Variants in TAF1 observed in about 807,000 individuals in gnomAD.
The protein encoded by TAF1 is transcription initiation factor TFIID subunit 1.
Under a neutral mutation model 138.5 loss-of-function variants are expected in TAF1, and 2 were observed. The observed-to-expected ratio is 0.01, with a 90% CI of 0.01 to 0.05. TAF1 has a LOEUF of 0.05. TAF1 is among the 10% of genes least tolerant of loss of function. The pLI, the probability that TAF1 is intolerant of heterozygous loss-of-function variation, is 1.00. For missense variants in TAF1, 709 were observed against 1,478.0 expected, an observed-to-expected ratio of 0.48 and a Z score of 8.53; for synonymous variants, 437 against 503.2, an observed-to-expected ratio of 0.87 and a Z score of 1.76.
intron 32 of TAF1, among the ~76,000 whole-genome samples, chrX:71,453,082 C>T (rs924427839): frequency 1.7e-4 from 18 of 108,655 alleles, no homozygotes; most frequent in South Asian, 8.2e-4. Flanking sequence ...CGTGGGGAGA[C>T]GGGAGAGAGA....
rs2034998553 is a variant in TAF1, at chrX:71,398,816, C to T, written c.3786+79C>T. The stretch of plus-strand genomic sequence containing the variant: ...CTTTTCCTTTAGCTTTTGATATCCT[C>T]CTTTACTGGGAATGAGGGAAGTATA... On this transcript the variant is annotated intron_variant, in intron 24 of 37. Coordinates refer to ENST00000423759, the MANE Select transcript of TAF1 (RefSeq NM_004606.5). 7 of 1,089,128 alleles carry T rather than the reference C, an allele frequency of 6.4e-6. No individual in the cohort carries two copies. The Admixed American group carries it at 1.9e-4, about 29-fold the overall frequency. 89.8% of individuals were successfully genotyped at this position (1,089,128 alleles called of 1,213,427 possible).
rs1466910636 is a variant in TAF1 at position 71,407,741 on chromosome X, T to C, written c.4206+69T>C. The stretch of plus-strand genomic sequence containing the variant: ...CTTTTGTTCTGTCTGTGATTTCCAA[T>C]AGAGGGCAGTAATCTGTAGATTTAG... On this transcript the variant is annotated intron_variant, in intron 27 of 37. Coordinates refer to ENST00000423759, the MANE Select transcript of TAF1 (RefSeq NM_004606.5). 5 of 1,065,522 alleles carry C rather than the reference T, an allele frequency of 4.7e-6. No individual in the cohort carries two copies. In the African/African-American group the frequency reaches 9.2e-5, roughly 20 times the overall value. 87.8% of individuals were successfully genotyped at this position (1,065,522 alleles called of 1,213,427 possible). A position where few individuals can be genotyped will look rare whatever the true frequency, so the allele number is the denominator to read the frequency against.
At chrX:71,486,815 G>A (rs184179500) in intron 13 of TAF1, among the ~76,000 whole-genome samples, 42 of 110,812 alleles carry the variant, frequency 3.8e-4, no homozygotes, top group Admixed American at 3.7e-3. Flanking sequence ...TTTCTGTAAC[G>A]TTGGTAGTAA....
chrX:71,439,485 T>A (rs774848742), intron 32 of TAF1, among the ~76,000 whole-genome samples: 2 of 111,642 alleles, frequency 1.8e-5, no homozygotes, highest in South Asian at 3.8e-4. Context: ...TATAAAAAGA[T>A]CAAATAATCT....
intron 28 of TAF1, among the ~76,000 whole-genome samples, chrX:71,414,295 T>C (rs2035940222): frequency 1.8e-5 from 1 of 57,076 alleles, no homozygotes; most frequent in Non-Finnish European, 3.1e-5. Context: ...GTCTGTGGAC[T>C]ACTAGAGGAT....
At chrX:71,489,644 CCA>C (rs1369461003) in intron 13 of TAF1, among the ~76,000 whole-genome samples, 3 of 107,637 alleles carry the variant, frequency 2.8e-5, no homozygotes, top group African/African-American at 1.0e-4. Flanking sequence ...CCATTGCACT[CCA>C]GACTGGGCAA....
intron 27 of TAF1, 134 bp downstream of exon 27, chrX:71,407,806 T>C (rs1334231466): frequency 1.0e-6 from 1 of 953,704 alleles, no homozygotes; most frequent in Non-Finnish European, 1.4e-6. Context: ...TAGTTTTTTT[T>C]GTTTGTTTGT....
chrX:71,422,286 A>G (rs1315407824), intron 29 of TAF1, among the ~76,000 whole-genome samples: 3 of 109,462 alleles, frequency 2.7e-5, no homozygotes, highest in African/African-American at 1.0e-4. Flanking sequence ...TACCTAAAGA[A>G]GTTGTTGACA....
intron 13 of TAF1, chrX:71,492,846 T>C (rs1288445356): frequency 8.9e-6 from 1 of 112,194 alleles, no homozygotes; most frequent in Admixed American, 9.4e-5. Flanking sequence ...GTGTGGCATG[T>C]GACGGTCTGC....
In TAF1 at chrX:71,494,853, C is replaced by T. The variant is rs145338658; in HGVS notation, c.1367-33689C>T. ...GAAGGGGACCTGAGCGGGTTACTGC[C>T]GCTGGCTGGGGTGGCCAGCTTTTAT... On this transcript the variant is annotated intron_variant and NMD_transcript_variant, in intron 13 of 14. Coordinates refer to the TAF1 transcript ENST00000373775. 4.7e-3 allele frequency among the ~76,000 whole-genome samples: 529 copies of T among 112,196 alleles called. 2 individuals are homozygous for T. Among genetic ancestry groups the T allele is most frequent in the African/African-American group, 0.015 (454 of 30,904 alleles).
Position 71,397,305 on chromosome X carries a change from C to A in TAF1, c.3459C>A (p.Ser1153=). The change falls in exon 23 of 38, where the codon TCC becomes TCA. Residue 1153 remains serine (S), a synonymous_variant. Transcript: ENST00000423759. Reference sequence around the variant, plus strand: ...ATCACAGAGATGATGACACAGCTTCCGTGACTAGCCTTAACTCTTCTGCCA... The same window carrying A: ...ATCACAGAGATGATGACACAGCTTCAGTGACTAGCCTTAACTCTTCTGCCA... ...GNNHRDDDTA[S]VTSLNSSATG... 1 of 1,211,338 alleles carries A rather than the reference C, an allele frequency of 8.3e-7. No homozygotes were observed. The highest frequency in any genetic ancestry group is 1.1e-6 in the Non-Finnish European group (1 of 895,496).
intron 28 of TAF1, among the ~76,000 whole-genome samples, chrX:71,412,874 C>T (rs1349639666): frequency 1.7e-4 from 19 of 112,481 alleles, no homozygotes; most frequent in Middle Eastern, 4.2e-3. Flanking sequence ...GCATGAACCA[C>T]GCATTTGCTT....
Position 71,381,931 on chromosome X carries a change from G to A in TAF1, c.1537+12G>A. 1 of 1,126,828 alleles carries A rather than the reference G, an allele frequency of 8.9e-7. No homozygotes were observed. The highest frequency in any genetic ancestry group is 2.5e-4 in the Middle Eastern group (1 of 3,980). 92.9% of individuals were successfully genotyped at this position (1,126,828 alleles called of 1,213,427 possible). On this transcript the variant is annotated intron_variant, in intron 9 of 37. Coordinates refer to ENST00000423759, the MANE Select transcript of TAF1 (RefSeq NM_004606.5). ...GAACCTCATTTTGGGTATATTACTGGCAGAGGCCAGTGTTTCTTCTCCTTT... is the reference window on the plus strand; with the variant it reads ...GAACCTCATTTTGGGTATATTACTGACAGAGGCCAGTGTTTCTTCTCCTTT...
At chrX:71,443,885 A>G (rs925891627) in intron 32 of TAF1, among the ~76,000 whole-genome samples, 2 of 110,935 alleles carry the variant, frequency 1.8e-5, no homozygotes, top group African/African-American at 3.3e-5. Context: ...ATTTTTTTGT[A>G]TTTTTAGTAG....
chrX:71,446,197 C>T (rs1244226862), intron 32 of TAF1, among the ~76,000 whole-genome samples: 1 of 111,381 alleles, frequency 9.0e-6, no homozygotes, highest in African/African-American at 3.3e-5. Context: ...AGGTGTGAGC[C>T]ACTGTGCCCG....
At chrX:71,518,852 T>C (rs1403308877) in intron 13 of TAF1, among the ~76,000 whole-genome samples, 2 of 105,801 alleles carry the variant, frequency 1.9e-5, no homozygotes, top group Admixed American at 2.1e-4. Flanking sequence ...CGTGCCACCA[T>C]GCCCGGATAA....
intron 32 of TAF1, among the ~76,000 whole-genome samples, chrX:71,428,680 A>G (rs1361204245): frequency 1.8e-5 from 2 of 112,042 alleles, no homozygotes; most frequent in Non-Finnish European, 3.8e-5. Flanking sequence ...TGAATAGTTG[A>G]CATAAAGGGG....
intron 3 of TAF1, among the ~76,000 whole-genome samples, chrX:71,373,167 CTT>C (rs1388371317): frequency 5.5e-5 from 5 of 90,497 alleles, no homozygotes; most frequent in Non-Finnish European, 4.4e-5. Context: ...TGCCTGGCCA[CTT>C]TTTTTTTTTT....
intron 13 of TAF1, among the ~76,000 whole-genome samples, chrX:71,497,815 G>A (rs778545121): frequency 1.2e-4 from 13 of 111,202 alleles, no homozygotes; most frequent in Non-Finnish European, 1.3e-4. Flanking sequence ...TGGCCATCTC[G>A]CTGTATCCAG....
Sources: gnomAD v4.1 joint callset for allele counts (sites outside exome capture counted in the v4.1 genomes callset) on GRCh38, gnomAD v4.1.1 for gene constraint, MANE v1.5 for transcripts, NCBI Gene and HGNC (gene_info 2026-07-23, HGNC 2026-07-21) for gene names.